The following SMC1B variants were observed in gnomAD, a reference collection of about 807,000 sequenced individuals.
SMC1B encodes structural maintenance of chromosomes 1B, also known as structural maintenance of chromosomes protein 1B.
Under a neutral mutation model 157.9 loss-of-function variants are expected in SMC1B, and 60 were observed. The ratio of observed to expected loss-of-function variants is 0.38; its 90% confidence interval spans 0.31 to 0.47. The LOEUF (loss-of-function observed/expected upper bound fraction) is 0.47, where lower values mean the gene tolerates loss of function less well. Ranked by LOEUF, SMC1B falls within the 20% of genes least tolerant of loss-of-function variation. The probability of loss-of-function intolerance (pLI) is 0.99; values close to 1 mark genes in which losing one functional copy is unlikely to be tolerated. For missense variants in SMC1B, 1,165 were observed against 1,426.2 expected, an observed-to-expected ratio of 0.82 and a Z score of 2.95; for synonymous variants, 445 against 483.0, an observed-to-expected ratio of 0.92 and a Z score of 1.03.
At chr22:45,399,416 AGTT>A in intron 5 of SMC1B, 63 bp from the exon 6 acceptor site, 1 of 1,446,424 alleles carries the variant, frequency 6.9e-7, no homozygotes, top group Non-Finnish European at 9.4e-7. Context: ...AAAGGGAAGA[AGTT>A]GTTTTGATCA....
chr22:45,345,529 T>C lies in SMC1B; in HGVS notation c.3536A>G (p.Gln1179Arg). 1 of 1,613,948 alleles carries C rather than the reference T, an allele frequency of 6.2e-7. No individual in the cohort carries two copies. Among genetic ancestry groups the C allele is most frequent in the Non-Finnish European group, 8.5e-7 (1 of 1,179,804 alleles). Residue 1179 changes from glutamine to arginine, a missense_variant, in exon 24 of 25, where the codon CAG becomes CGG. Physicochemically the swap from Gln to Arg is conservative, Grantham distance 43 (BLOSUM62 1). Transcript: ENST00000357450. ...YIKEQTQDQF[Q>R]MIVISLKEEF... ...TTCTTTTAGGGAGATGACTATCATCTGAAACTGGTCTTGAGTTTGCTCTTT... is the reference window on the plus strand; with the variant it reads ...TTCTTTTAGGGAGATGACTATCATCCGAAACTGGTCTTGAGTTTGCTCTTT...
intron 21 of SMC1B, among the ~76,000 whole-genome samples, chr22:45,353,427 A>ATAAG (rs1047468835): frequency 4.6e-5 from 7 of 152,214 alleles, no homozygotes; most frequent in Non-Finnish European, 8.8e-5. Flanking sequence ...GAGCAGGTAC[A>ATAAG]TAAGTCCCGA....
At chr22:45,378,396 T>C (rs1479768360) in intron 12 of SMC1B, among the ~76,000 whole-genome samples, 1 of 152,220 alleles carries the variant, frequency 6.6e-6, no homozygotes, top group African/African-American at 2.4e-5. Flanking sequence ...GCCGAGCATA[T>C]GATCAATTTT....
chr22:45,390,913 T>C (rs2087051089), intron 9 of SMC1B, among the ~76,000 whole-genome samples: 1 of 152,252 alleles, frequency 6.6e-6, no homozygotes, highest in African/African-American at 2.4e-5. Flanking sequence ...TAGGTTCTAC[T>C]TCAAGAATAC....
At chr22:45,406,887 T>G in intron 2 of SMC1B, 22 bp from the exon 3 acceptor site, 1 of 1,497,726 alleles carries the variant, frequency 6.7e-7, no homozygotes, top group South Asian at 1.3e-5. Context: ...AAATAAACCC[T>G]GTTAAAAAAT....
intron 7 of SMC1B, among the ~76,000 whole-genome samples, chr22:45,396,075 T>C (rs542562292): frequency 1.7e-4 from 26 of 152,354 alleles, no homozygotes; most frequent in Non-Finnish European, 3.2e-4. Flanking sequence ...TTTTATAACA[T>C]ATCAATTACA....
intron 16 of SMC1B, 137 bp from the exon 17 acceptor site, chr22:45,362,121 T>C: frequency 1.3e-6 from 1 of 748,594 alleles, no homozygotes. Flanking sequence ...CCTTCCATCG[T>C]GGACTGTGAC....
intron 15 of SMC1B, among the ~76,000 whole-genome samples, chr22:45,367,431 T>C (rs1048510642): frequency 2.0e-5 from 3 of 152,136 alleles, no homozygotes; most frequent in Non-Finnish European, 4.4e-5. Context: ...TCCTGACAAT[T>C]TGGGAAGGCT....
intron 4 of SMC1B, among the ~76,000 whole-genome samples, chr22:45,403,755 A>T (rs1440135752): frequency 6.6e-6 from 1 of 152,172 alleles, no homozygotes; most frequent in Non-Finnish European, 1.5e-5. Context: ...CACCATACCC[A>T]GCCCAACCCT....
chr22:45,409,605 T>TAAAAAAA lies in SMC1B; in HGVS notation c.110-708_110-707insTTTTTTT, dbSNP rs71783373. On this transcript the variant is annotated intron_variant, in intron 1 of 24. Coordinates refer to ENST00000357450, the MANE Select transcript of SMC1B (RefSeq NM_148674.5). ...ATAAATAAATAAATAAATAAATAAA[T>TAAAAAAA]AAATAAAAACAAGAGAAGCTAACTA... is the stretch of plus-strand genomic sequence containing the variant. Among the ~76,000 whole-genome samples, 20 of 126,066 alleles carry TAAAAAAA rather than the reference T, an allele frequency of 1.6e-4. No homozygotes were observed. The South Asian group carries it at 5.0e-3, about 32-fold the overall frequency. 82.7% of individuals were successfully genotyped at this position (126,066 alleles called of 152,430 possible). A position where few individuals can be genotyped will look rare whatever the true frequency, so the allele number is the denominator to read the frequency against.
At position 45,355,017 on chromosome 22, in the gene SMC1B, G is replaced by A; in HGVS notation, c.3060C>T (p.Asn1020=). ...EDILLKTAAP[N]LRALENLKTV... is the part of the protein sequence containing the mutation. ...TCTTTAAGTTCTCCAGTGCTCGTAG[G>A]TTTGGGGCTGCTGTTTTCAGTAAGA... Residue 1020 remains asparagine, a synonymous_variant, in exon 20 of 25, where the codon AAC becomes AAT. Coordinates refer to ENST00000357450, the MANE Select transcript of SMC1B (RefSeq NM_148674.5). 1 of 1,614,162 alleles carries A rather than the reference G, an allele frequency of 6.2e-7. No homozygotes were observed. Among genetic ancestry groups the A allele is most frequent in the Non-Finnish European group, 8.5e-7 (1 of 1,180,038 alleles).
chr22:45,361,459 A>AACACAC (rs35756229), intron 17 of SMC1B, among the ~76,000 whole-genome samples: 3 of 150,736 alleles, frequency 2.0e-5, no homozygotes, highest in East Asian at 2.0e-4. Context: ...CTAAAAGAGA[A>AACACAC]ACACACACAC....
chr22:45,397,268 G>A (rs1034386684), intron 6 of SMC1B, among the ~76,000 whole-genome samples: 2 of 152,122 alleles, frequency 1.3e-5, no homozygotes, highest in African/African-American at 4.8e-5. Flanking sequence ...TGTAATCCCA[G>A]CACTTTGGGA....
chr22:45,364,824 CTTTTTTTTTT>C (rs202166311), intron 15 of SMC1B, among the ~76,000 whole-genome samples: 38 of 105,504 alleles, frequency 3.6e-4, no homozygotes, highest in African/African-American at 1.5e-3. Context: ...ATCTCTTTTC[CTTTTTTTTTT>C]TTTTTTTTTT....
At chr22:45,363,090 A>G (rs2086737435) in intron 15 of SMC1B, 64 bp from the exon 16 acceptor site, 2 of 1,193,648 alleles carry the variant, frequency 1.7e-6, no homozygotes, top group Non-Finnish European at 1.2e-6. Context: ...CTTTTTTCTT[A>G]TGGGAAATTT....
intron 8 of SMC1B, among the ~76,000 whole-genome samples, 166 bp downstream of exon 8, chr22:45,394,519 T>C (rs898428403): frequency 1.3e-5 from 2 of 152,046 alleles, no homozygotes; most frequent in African/African-American, 4.8e-5. Flanking sequence ...CATGTGCCTG[T>C]AGTCTCAGCT....
rs372257251 is a variant in SMC1B, at chr22:45,412,257, G to A, written c.109+1202C>T. ...CTCTTGTTACCCAGGCTGGAGTGCGGTGGTGCTATCTTGGCTCACTGCAAC... is the reference window on the plus strand; with the variant it reads ...CTCTTGTTACCCAGGCTGGAGTGCGATGGTGCTATCTTGGCTCACTGCAAC... On this transcript the variant is annotated intron_variant, in intron 1 of 24. Transcript: ENST00000357450. Among the ~76,000 whole-genome samples, 46 of 149,392 alleles carry A rather than the reference G, an allele frequency of 3.1e-4. 1 individual carries two copies. In the East Asian group the frequency reaches 8.1e-3, roughly 26 times the overall value.
chr22:45,403,947 G>A (rs750162985), intron 4 of SMC1B, among the ~76,000 whole-genome samples: 2 of 151,930 alleles, frequency 1.3e-5, no homozygotes, highest in Non-Finnish European at 2.9e-5. Flanking sequence ...TTGTTTGTTT[G>A]TTTGTTTGTT....
intron 6 of SMC1B, among the ~76,000 whole-genome samples, chr22:45,398,112 C>T (rs1370048308): frequency 4.6e-5 from 7 of 152,164 alleles, no homozygotes; most frequent in African/African-American, 1.7e-4. Flanking sequence ...TGCCTTCGGA[C>T]GTGCATCCTT....
Sources: gnomAD v4.1 joint callset for allele counts (sites outside exome capture counted in the v4.1 genomes callset) on GRCh38, gnomAD v4.1.1 for gene constraint, MANE v1.5 for transcripts, NCBI Gene and HGNC (gene_info 2026-07-23, HGNC 2026-07-21) for gene names.